UNC79: variants seen among roughly 807,000 people sequenced by gnomAD.
UNC79 encodes the protein unc-79 subunit of NALCN channel complex.
Under a neutral mutation model 283.1 loss-of-function variants are expected in UNC79, and 37 were observed. The observed-to-expected ratio is 0.13, with a 90% CI of 0.10 to 0.17. The LOEUF is 0.17. Ranked by LOEUF, UNC79 falls within the 10% of genes least tolerant of loss-of-function variation. The probability of loss-of-function intolerance (pLI) is 1.00; values close to 1 mark genes in which losing one functional copy is unlikely to be tolerated. For missense variants in UNC79, 2,272 were observed against 3,211.1 expected (o/e 0.71, Z 7.07); for synonymous variants, 1,107 against 1,200.2 (o/e 0.92, Z 1.61).
chr14:93,626,869 C>A (rs1003501279), intron 30 of UNC79, among the ~76,000 whole-genome samples: 3 of 152,090 alleles, frequency 2.0e-5, no homozygotes, highest in East Asian at 3.9e-4. Context: ...CTCCAATTTT[C>A]TTCCAGTCTG....
intron 2 of UNC79, among the ~76,000 whole-genome samples, chr14:93,473,054 T>C (rs987548803): frequency 2.0e-5 from 3 of 152,138 alleles, no homozygotes; most frequent in Admixed American, 1.3e-4. Context: ...GTTTTTATTT[T>C]AAAATTAAGG....
At chr14:93,333,988 G>C (rs996900889) in intron 1 of UNC79, among the ~76,000 whole-genome samples, 3 of 152,114 alleles carry the variant, frequency 2.0e-5, no homozygotes, top group African/African-American at 7.2e-5. Context: ...AGCAACTCTG[G>C]GAATTTATTT....
chr14:93,650,236 TG>T (rs966667092), intron 35 of UNC79, among the ~76,000 whole-genome samples: 2 of 152,122 alleles, frequency 1.3e-5, no homozygotes, highest in Non-Finnish European at 2.9e-5. Context: ...TTTTTTCAGT[TG>T]GGGGGTATAA....
At chr14:93,622,513 G>T (rs770128052) in exon 30 of UNC79, 1 of 1,614,038 alleles carries the variant, frequency 6.2e-7, no homozygotes, top group Admixed American at 1.7e-5. Flanking sequence ...CCGAGATGTC[G>T]CTGGATGATC....
chr14:93,428,955 G>T (rs2055789667), upstream of UNC79, among the ~76,000 whole-genome samples: 1 of 152,176 alleles, frequency 6.6e-6, no homozygotes, highest in South Asian at 2.1e-4. Context: ...TAACGGGAGG[G>T]TTAATTGATG....
intron 14 of UNC79, among the ~76,000 whole-genome samples, chr14:93,549,496 C>A (rs2061765947): frequency 6.6e-6 from 1 of 152,096 alleles, no homozygotes; most frequent in Non-Finnish European, 1.5e-5. Flanking sequence ...ATCACGTACA[C>A]CTGAAAGCAT....
intron 1 of UNC79, among the ~76,000 whole-genome samples, chr14:93,422,377 G>C (rs756521168): frequency 6.8e-6 from 1 of 147,044 alleles, no homozygotes; most frequent in Non-Finnish European, 1.5e-5. Flanking sequence ...TGCAGATGAA[G>C]CCTCCAGGTA....
intron 14 of UNC79, among the ~76,000 whole-genome samples, chr14:93,559,102 A>C (rs1394026213): frequency 6.6e-6 from 1 of 152,228 alleles, no homozygotes; most frequent in Admixed American, 6.5e-5. Context: ...CCCCAGAATC[A>C]CAGCTGATTC....
Position 93,347,330 on chromosome 14 carries a change from G to A in UNC79, c.-351+13807G>A, listed in dbSNP as rs747701377. 8.1e-6 allele frequency: 13 copies of A among 1,602,372 alleles called. 1 individual carries two copies. The highest frequency in any genetic ancestry group is 1.7e-4 in the Middle Eastern group (1 of 6,048). On this transcript the variant is annotated intron_variant, in intron 1 of 49. Coordinates refer to the UNC79 transcript ENST00000256339. ...CACTACCGCCGCTTGGCCCTGCTCG[G>A]CCTGCAGCCCGCTCCCCGCTTCGCC...
At chr14:93,554,241 G>A (rs747100313) in intron 14 of UNC79, among the ~76,000 whole-genome samples, 29 of 151,918 alleles carry the variant, frequency 1.9e-4, no homozygotes, top group Non-Finnish European at 3.8e-4. Flanking sequence ...CCAGCTACTC[G>A]GGAGGCTGAG....
intron 1 of UNC79, among the ~76,000 whole-genome samples, chr14:93,344,604 A>G (rs1209894347): frequency 6.6e-6 from 1 of 152,224 alleles, no homozygotes; most frequent in Non-Finnish European, 1.5e-5. Context: ...CCCAACCAAC[A>G]GACTGGGTCC....
chr14:93,450,271 T>A (rs2056597637), intron 1 of UNC79, among the ~76,000 whole-genome samples: 1 of 152,198 alleles, frequency 6.6e-6, no homozygotes, highest in South Asian at 2.1e-4. Context: ...ATGAGTGTCC[T>A]TAGCTGTTTG....
chr14:93,592,377 T>C (rs1387692461), intron 22 of UNC79, among the ~76,000 whole-genome samples: 1 of 152,038 alleles, frequency 6.6e-6, no homozygotes, highest in African/African-American at 2.4e-5. Flanking sequence ...AGTTTCACTG[T>C]GTTAGCCAGG....
intron 38 of UNC79, among the ~76,000 whole-genome samples, chr14:93,656,460 A>G (rs939990441): frequency 4.6e-5 from 7 of 152,126 alleles, no homozygotes; most frequent in Middle Eastern, 3.4e-3. Flanking sequence ...AAAAAAAAAA[A>G]ACATAGGCTA....
chr14:93,488,622 T>C (rs1282500991), intron 5 of UNC79, among the ~76,000 whole-genome samples: 4 of 152,216 alleles, frequency 2.6e-5, no homozygotes, highest in African/African-American at 7.2e-5. Context: ...TCTTCTGTCT[T>C]AGTCCGTTGG....
intron 22 of UNC79, among the ~76,000 whole-genome samples, chr14:93,588,592 T>G (rs2064383788): frequency 6.6e-6 from 1 of 151,062 alleles, no homozygotes; most frequent in Non-Finnish European, 1.5e-5. Flanking sequence ...TACAGAAAAA[T>G]TAGCTGGGCG....
chr14:93,584,445 G>A (rs1344216946), intron 20 of UNC79, among the ~76,000 whole-genome samples: 1 of 152,154 alleles, frequency 6.6e-6, no homozygotes, highest in East Asian at 1.9e-4. Flanking sequence ...TAGAACCCAG[G>A]TCTTCTACTT....
At chr14:93,338,274 A>G (rs558118802) in intron 1 of UNC79, among the ~76,000 whole-genome samples, 4 of 152,146 alleles carry the variant, frequency 2.6e-5, no homozygotes, top group Middle Eastern at 3.4e-3. Context: ...TGGTTGTTTA[A>G]AAGTGTGCAC....
At chr14:93,631,356 T>C (rs2068021274) in intron 31 of UNC79, among the ~76,000 whole-genome samples, 1 of 152,206 alleles carries the variant, frequency 6.6e-6, no homozygotes, top group African/African-American at 2.4e-5. Context: ...TATATCATAT[T>C]CCCAAAGTCA....
Sources: gnomAD v4.1 joint callset for allele counts (sites outside exome capture counted in the v4.1 genomes callset) on GRCh38, gnomAD v4.1.1 for gene constraint, MANE v1.5 for transcripts, NCBI Gene and HGNC (gene_info 2026-07-23, HGNC 2026-07-21) for gene names.